Variants in ARHGAP26 observed in about 807,000 individuals in gnomAD.
The protein encoded by ARHGAP26 is Rho GTPase activating protein 26.
In ARHGAP26, 38 loss-of-function variants were observed where a neutral mutation model predicts 104.8. That is an observed-to-expected ratio of 0.36 (90% CI 0.28 to 0.48). The LOEUF (loss-of-function observed/expected upper bound fraction) is 0.48, where lower values mean the gene tolerates loss of function less well. Among genes scored for constraint, ARHGAP26 ranks in the 20% least tolerant of loss-of-function variants. ARHGAP26 has a pLI of 0.99. For missense variants in ARHGAP26, 704 were observed against 947.9 expected (o/e 0.74, Z 3.38); for synonymous variants, 341 against 340.0 (o/e 1.00, Z -0.03).
At position 143,129,343 on chromosome 5, in the gene ARHGAP26, G is replaced by T. The variant is rs148055592; in HGVS notation, c.1699-4624G>T. Reference sequence around the variant, plus strand: ...TCTTTTGAACACTGAATGTCAAACTGTATTAGGCGTGTCAGTCCTCACCAC... The same window carrying T: ...TCTTTTGAACACTGAATGTCAAACTTTATTAGGCGTGTCAGTCCTCACCAC... On this transcript the variant is annotated intron_variant, in intron 18 of 22. Transcript: ENST00000645722. Among the ~76,000 whole-genome samples, 138 of 152,238 alleles carry T rather than the reference G, an allele frequency of 9.1e-4. 2 individuals carry two copies. The East Asian group carries it at 0.024, about 26-fold the overall frequency.
intron 21 of ARHGAP26, among the ~76,000 whole-genome samples, chr5:143,210,309 C>T (rs73294158): frequency 0.011 from 1,718 of 152,150 alleles, 36 homozygotes; most frequent in African/African-American, 0.039. Context: ...CATCAGATCT[C>T]GTGAGACCCA....
chr5:143,116,575 A>G (rs1400091262), intron 17 of ARHGAP26, among the ~76,000 whole-genome samples: 2 of 152,216 alleles, frequency 1.3e-5, no homozygotes, highest in Non-Finnish European at 2.9e-5. Flanking sequence ...TGTGATCCCT[A>G]TGACAGCCTG....
At chr5:142,817,482 C>T (rs398078) in intron 1 of ARHGAP26, among the ~76,000 whole-genome samples, 33,484 of 152,038 alleles carry the variant, frequency 0.22, 4,968 homozygotes, top group East Asian at 0.49. Flanking sequence ...CTTGCAGTCC[C>T]GGGTTCATAA....
At chr5:143,112,107 G>A (rs1354941905) in intron 17 of ARHGAP26, among the ~76,000 whole-genome samples, 1 of 152,184 alleles carries the variant, frequency 6.6e-6, no homozygotes, top group Non-Finnish European at 1.5e-5. Context: ...TGCTAAGTAG[G>A]GGAGACAGAA....
At chr5:143,163,556 C>T (rs258786) in intron 20 of ARHGAP26, among the ~76,000 whole-genome samples, 49,136 of 151,560 alleles carry the variant, frequency 0.32, 8,712 homozygotes, top group East Asian at 0.48. Context: ...GTTCAAGCGA[C>T]TCTTCTGCCT....
At chr5:143,085,304 T>TCTCCAGACA (rs1410421234) in intron 17 of ARHGAP26, among the ~76,000 whole-genome samples, 2 of 152,072 alleles carry the variant, frequency 1.3e-5, no homozygotes, top group Non-Finnish European at 2.9e-5. Flanking sequence ...CATTCACCAG[T>TCTCCAGACA]TAGTCTCATA....
chr5:142,837,849 A>T (rs1047430124), intron 1 of ARHGAP26, among the ~76,000 whole-genome samples: 21 of 152,222 alleles, frequency 1.4e-4, no homozygotes. Context: ...ATTGCTTCAG[A>T]TGAAAGCAGA....
In ARHGAP26 at chr5:142,875,190, C is replaced by T. The variant is rs762486970; in HGVS notation, c.312+19C>T. ...ACGGATGGTGAGTAGGGCTGGGCTA[C>T]TCTTGGTCCCAGATAGTATATTCGT... On this transcript the variant is annotated intron_variant, in intron 3 of 22. Transcript: ENST00000645722. 1.9e-6 allele frequency: 3 copies of T among 1,613,218 alleles called. No homozygotes were observed. Among genetic ancestry groups the T allele is most frequent in the Non-Finnish European group, 2.5e-6 (3 of 1,179,236 alleles).
intron 22 of ARHGAP26, among the ~76,000 whole-genome samples, chr5:143,217,465 G>A (rs1465133991): frequency 1.3e-5 from 2 of 152,208 alleles, no homozygotes; most frequent in Admixed American, 1.3e-4. Flanking sequence ...TAGTCATCTT[G>A]AAGCAGCATG....
chr5:143,101,403 G>A (rs1269845819), intron 17 of ARHGAP26, among the ~76,000 whole-genome samples: 1 of 152,134 alleles, frequency 6.6e-6, no homozygotes, highest in African/African-American at 2.4e-5. Flanking sequence ...TGCTCAGGGA[G>A]TGGGCCTTAA....
intron 11 of ARHGAP26, among the ~76,000 whole-genome samples, chr5:142,946,000 C>T (rs977268988): frequency 6.6e-6 from 1 of 152,188 alleles, no homozygotes; most frequent in African/African-American, 2.4e-5. Context: ...AGCTGATGTC[C>T]AGATAGTTGA....
At chr5:143,146,941 A>AT (rs1799234736) in intron 19 of ARHGAP26, among the ~76,000 whole-genome samples, 1 of 152,238 alleles carries the variant, frequency 6.6e-6, no homozygotes, top group Non-Finnish European at 1.5e-5. Context: ...GATGCAATTT[A>AT]TGGTGCCATA....
At chr5:142,880,777 C>T (rs181437215) in intron 4 of ARHGAP26, among the ~76,000 whole-genome samples, 2 of 152,288 alleles carry the variant, frequency 1.3e-5, no homozygotes, top group Non-Finnish European at 1.5e-5. Context: ...ACCCCTACAA[C>T]ACACACACCC....
intron 1 of ARHGAP26, among the ~76,000 whole-genome samples, chr5:142,822,560 G>A (rs1766405604): frequency 6.6e-6 from 1 of 151,922 alleles, no homozygotes; most frequent in Non-Finnish European, 1.5e-5. Context: ...CATGGTGTTT[G>A]TGTACATATT....
chr5:142,839,682 TGAGA>T (rs1019834644), intron 1 of ARHGAP26, among the ~76,000 whole-genome samples: 2 of 152,186 alleles, frequency 1.3e-5, no homozygotes, highest in African/African-American at 4.8e-5. Context: ...GAGGCTTTCC[TGAGA>T]GTGAGAAAGC....
In ARHGAP26 at chr5:143,167,482, C is replaced by CAAAAAAAAAAAAAAAAAAAAAAAAAA. The variant is rs6149274; in HGVS notation, c.1988+20112_1988+20137dup. ...TGCATGACAGAGCAAGACTCCATCT[C>CAAAAAAAAAAAAAAAAAAAAAAAAAA]AAAAAAAAAAAAAAAAAAAAAAAAA... On this transcript the variant is annotated intron_variant, in intron 20 of 22. Transcript: ENST00000645722. Among the ~76,000 whole-genome samples the CAAAAAAAAAAAAAAAAAAAAAAAAAA allele has an allele frequency of 5.0e-5, 3 of 60,094 alleles. 1 individual carries two copies. The highest frequency in any genetic ancestry group is 8.3e-5 in the Non-Finnish European group (3 of 36,292). 39.4% of individuals were successfully genotyped at this position (60,094 alleles called of 152,430 possible).
At chr5:142,861,098 GT>G (rs1294325477) in intron 1 of ARHGAP26, among the ~76,000 whole-genome samples, 3 of 152,198 alleles carry the variant, frequency 2.0e-5, no homozygotes, top group African/African-American at 7.2e-5. Flanking sequence ...TGGAGCATGA[GT>G]TCCTGCCTGG....
At chr5:143,002,213 T>C (rs1161772695) in intron 11 of ARHGAP26, among the ~76,000 whole-genome samples, 1 of 152,168 alleles carries the variant, frequency 6.6e-6, no homozygotes, top group African/African-American at 2.4e-5. Context: ...CCGTTGTTTC[T>C]CCTGGGCTGG....
chr5:143,047,708 A>G (rs561711901), intron 14 of ARHGAP26, among the ~76,000 whole-genome samples: 112 of 152,246 alleles, frequency 7.4e-4, no homozygotes, highest in African/African-American at 2.6e-3. Context: ...GGGTGAGGTT[A>G]GACTGTTTAC....
Sources: gnomAD v4.1 joint callset for allele counts (sites outside exome capture counted in the v4.1 genomes callset) on GRCh38, gnomAD v4.1.1 for gene constraint, MANE v1.5 for transcripts, NCBI Gene and HGNC (gene_info 2026-07-23, HGNC 2026-07-21) for gene names.